The following NIPSNAP2 variants were observed in gnomAD, a reference collection of about 807,000 sequenced individuals.
NIPSNAP2 encodes the protein protein NipSnap homolog 2.
NIPSNAP2 carries 42 observed loss-of-function variants against 48.4 expected under a neutral mutation model. The observed-to-expected ratio is 0.87, with a 90% CI of 0.68 to 1.12. NIPSNAP2 has a LOEUF of 1.12. Among genes scored for constraint, NIPSNAP2 ranks in the 50% most tolerant of loss-of-function variants. The probability of loss-of-function intolerance (pLI) is 0.00; values close to 1 mark genes in which losing one functional copy is unlikely to be tolerated. For missense variants in NIPSNAP2, 314 were observed against 347.3 expected, an observed-to-expected ratio of 0.90 and a Z score of 0.76; for synonymous variants, 158 against 126.6, an observed-to-expected ratio of 1.25 and a Z score of -1.67.
chr7:55,991,108 T>C (rs1787435350), intron 7 of NIPSNAP2, among the ~76,000 whole-genome samples: 1 of 152,108 alleles, frequency 6.6e-6, no homozygotes, highest in African/African-American at 2.4e-5. Flanking sequence ...TTCTCTTTTT[T>C]CGGTTATGAA....
rs369468197 is a variant in NIPSNAP2 at position 55,966,320 on chromosome 7, A to T, written c.92+1619A>T. 5.3e-5 allele frequency among the ~76,000 whole-genome samples: 8 copies of T among 152,260 alleles called. No individual in the cohort carries two copies. The East Asian group carries it at 7.7e-4, about 15-fold the overall frequency. On this transcript the variant is annotated intron_variant, in intron 1 of 9. Coordinates refer to ENST00000322090, the MANE Select transcript of NIPSNAP2 (RefSeq NM_001483.3). Reference sequence around the variant, plus strand: ...TCGTATTTGATTTACGTTTTTCATAATAAAGCCTGGACGCAGTGACTCACA... The same window carrying T: ...TCGTATTTGATTTACGTTTTTCATATTAAAGCCTGGACGCAGTGACTCACA...
intron 8 of NIPSNAP2, 85 bp downstream of exon 8, chr7:55,995,073 G>A (rs1391736203): frequency 8.7e-7 from 1 of 1,154,372 alleles, no homozygotes; most frequent in Non-Finnish European, 1.3e-6. Flanking sequence ...TCTTGAGTCA[G>A]TAACCTTAAC....
At chr7:55,978,533 T>G (rs1309833358) in intron 3 of NIPSNAP2, 138 bp downstream of exon 3, 3 of 792,542 alleles carry the variant, frequency 3.8e-6, no homozygotes. Flanking sequence ...GCTCTTAAAC[T>G]GAGCTTCATG....
intron 6 of NIPSNAP2, 41 bp from the exon 7 acceptor site, chr7:55,984,806 T>C: frequency 6.4e-7 from 1 of 1,561,806 alleles, no homozygotes; most frequent in Non-Finnish European, 8.8e-7. Flanking sequence ...ATTTTTTTTT[T>C]CACAGAAGAA....
intron 1 of NIPSNAP2, among the ~76,000 whole-genome samples, chr7:55,975,789 G>C (rs995377181): frequency 6.6e-6 from 1 of 152,206 alleles, no homozygotes; most frequent in African/African-American, 2.4e-5. Context: ...TATAATCCCA[G>C]CACTTTGGGA....
intron 1 of NIPSNAP2, 196 bp downstream of exon 1, chr7:55,964,897 C>A (rs1355128534): frequency 4.7e-6 from 1 of 210,658 alleles, no homozygotes; most frequent in African/African-American, 2.3e-5. Context: ...CTCAAGGTCA[C>A]GGAGGGGACG....
At chr7:55,967,094 C>G (rs1786910867) in intron 1 of NIPSNAP2, among the ~76,000 whole-genome samples, 1 of 152,280 alleles carries the variant, frequency 6.6e-6, no homozygotes, top group African/African-American at 2.4e-5. Context: ...TCACTTAGTG[C>G]TGCTCAGCAG....
In NIPSNAP2 at chr7:55,983,510, C is replaced by T. The variant is rs150376822; in HGVS notation, c.445-218C>T. On this transcript the variant is annotated intron_variant, in intron 5 of 9. Coordinates refer to ENST00000322090, the MANE Select transcript of NIPSNAP2 (RefSeq NM_001483.3). ...ATTGCCACCTAAATAATTAGGATGACCAAGTAATTTGTCATCTAAACCTGG... is the reference window on the plus strand; with the variant it reads ...ATTGCCACCTAAATAATTAGGATGATCAAGTAATTTGTCATCTAAACCTGG... Among the ~76,000 whole-genome samples the T allele has an allele frequency of 7.9e-3, 1,200 of 152,172 alleles. 42 individuals are homozygous for T. Among genetic ancestry groups the T allele is most frequent in the East Asian group, 0.019 (98 of 5,182 alleles).
At chr7:55,995,873 A>T (rs572237200) in intron 8 of NIPSNAP2, among the ~76,000 whole-genome samples, 1 of 152,298 alleles carries the variant, frequency 6.6e-6, no homozygotes, top group African/African-American at 2.4e-5. Flanking sequence ...TCACAGAGCA[A>T]CAGCAAGTTG....
chr7:55,974,841 C>G (rs542198323), intron 1 of NIPSNAP2, among the ~76,000 whole-genome samples: 1 of 115,334 alleles, frequency 8.7e-6, no homozygotes, highest in South Asian at 2.9e-4. Context: ...GAGCGCGACT[C>G]TGTCTTAAAA....
chr7:55,986,995 A>AC (rs1186362588), intron 7 of NIPSNAP2, among the ~76,000 whole-genome samples: 3 of 148,734 alleles, frequency 2.0e-5, no homozygotes, highest in Non-Finnish European at 3.0e-5. Flanking sequence ...AAAAAAAAAA[A>AC]AAAAAAAAAA....
At chr7:55,965,780 C>T (rs1333110579) in intron 1 of NIPSNAP2, among the ~76,000 whole-genome samples, 1 of 152,028 alleles carries the variant, frequency 6.6e-6, no homozygotes, top group Non-Finnish European at 1.5e-5. Context: ...GGGGTTTCAC[C>T]ATGTTGGTCA....
At chr7:55,966,000 G>T (rs1187200093) in intron 1 of NIPSNAP2, among the ~76,000 whole-genome samples, 1 of 152,208 alleles carries the variant, frequency 6.6e-6, no homozygotes, top group African/African-American at 2.4e-5. Flanking sequence ...CTGCCAAAAT[G>T]TGAGTGCCTA....
chr7:55,973,407 C>T (rs756814132), intron 1 of NIPSNAP2, among the ~76,000 whole-genome samples: 7 of 151,816 alleles, frequency 4.6e-5, no homozygotes, highest in Non-Finnish European at 1.0e-4. Context: ...GATGTGAAAA[C>T]GTGCTTTTAT....
chr7:55,964,693 C>T lies in NIPSNAP2; in HGVS notation c.84C>T (p.Pro28=). ...LQRAAPCSLL[P]RLRTWTSSSN... ...GGGCGGCCCCCTGCAGCCTCCTGCC[C>T]AGGCTCCGGTGAGCAGCGCCGCCCT... The change falls in exon 1 of 10, where the codon CCC becomes CCT. Residue 28 remains proline (P), a synonymous_variant. Coordinates refer to ENST00000322090, the MANE Select transcript of NIPSNAP2 (RefSeq NM_001483.3). 1.8e-6 allele frequency: 2 copies of T among 1,122,614 alleles called. No individual in the cohort carries two copies. The highest frequency in any genetic ancestry group is 2.2e-6 in the Non-Finnish European group (2 of 917,990). 69.5% of individuals were successfully genotyped at this position (1,122,614 alleles called of 1,614,324 possible). A position where few individuals can be genotyped will look rare whatever the true frequency, so the allele number is the denominator to read the frequency against.
chr7:55,994,916 C>A lies in NIPSNAP2; in HGVS notation c.640C>A (p.Gln214Lys). 6.2e-7 allele frequency: 1 copy of A among 1,614,114 alleles called. No individual in the cohort carries two copies. The highest frequency in any genetic ancestry group is 8.5e-7 in the Non-Finnish European group (1 of 1,179,974). Reference sequence around the variant, plus strand: ...CAGGGCTCGTGCAATCCGCTTCAGACAGGATGGTAACGAAGCCGTCGGAGG... The same window carrying A: ...CAGGGCTCGTGCAATCCGCTTCAGAAAGGATGGTAACGAAGCCGTCGGAGG... Reference protein sequence around the residue: ...NYWARAIRFRQDGNEAVGGFF... With the variant: ...NYWARAIRFRKDGNEAVGGFF... Residue 214 changes from glutamine to lysine, a missense_variant, in exon 8 of 10, where the codon CAG becomes AAG. Gln to Lys is a moderately conservative substitution (Grantham distance 53). This residue lies in a region of NIPSNAP2 where 116 missense variants were observed against 161.8 expected (regional missense o/e 0.72). Transcript: ENST00000322090.
chr7:55,976,996 G>A (rs969822461), intron 1 of NIPSNAP2, among the ~76,000 whole-genome samples: 1 of 152,174 alleles, frequency 6.6e-6, no homozygotes, highest in Non-Finnish European at 1.5e-5. Context: ...TTAATTATGA[G>A]ATGAAAATTA....
intron 7 of NIPSNAP2, among the ~76,000 whole-genome samples, chr7:55,988,365 G>A (rs1392247690): frequency 6.6e-6 from 1 of 152,102 alleles, no homozygotes; most frequent in East Asian, 1.9e-4. Context: ...TATGGAAAGG[G>A]ACTCAACCTT....
At chr7:55,975,950 T>C (rs927583181) in intron 1 of NIPSNAP2, among the ~76,000 whole-genome samples, 5 of 152,136 alleles carry the variant, frequency 3.3e-5, no homozygotes, top group Non-Finnish European at 7.3e-5. Context: ...GGCGGGAGAA[T>C]CGCTTGAACC....
Sources: gnomAD v4.1 joint callset for allele counts (sites outside exome capture counted in the v4.1 genomes callset) on GRCh38, gnomAD v4.1.1 for gene constraint, gnomAD v4.1.1 regional missense constraint, MANE v1.5 for transcripts, NCBI Gene and HGNC (gene_info 2026-07-23, HGNC 2026-07-21) for gene names.